Variants in PCSK5 observed in about 807,000 individuals in gnomAD.
PCSK5 encodes the protein prohormone convertase 5.
In PCSK5, 129 loss-of-function variants were observed where a neutral mutation model predicts 233.2. That is an observed-to-expected ratio of 0.55 (90% CI 0.48 to 0.64). The LOEUF is 0.64. PCSK5 is among the 30% of genes least tolerant of loss of function. The pLI is 0.00. For missense variants in PCSK5, 2,076 were observed against 2,430.1 expected, an observed-to-expected ratio of 0.85 and a Z score of 3.06; for synonymous variants, 825 against 879.2, an observed-to-expected ratio of 0.94 and a Z score of 1.09.
At chr9:76,040,160 T>G (rs1057475587) in intron 5 of PCSK5, among the ~76,000 whole-genome samples, 1 of 152,208 alleles carries the variant, frequency 6.6e-6, no homozygotes, top group South Asian at 2.1e-4. Context: ...AGAGTCTTGG[T>G]TGAGGACAAA....
At position 76,323,210 on chromosome 9, in the gene PCSK5, T is replaced by C; in HGVS notation, c.4261T>C (p.Trp1421Arg). 2 of 1,612,816 alleles carry C rather than the reference T, an allele frequency of 1.2e-6. No homozygotes were observed. The highest frequency in any genetic ancestry group is 1.7e-6 in the Non-Finnish European group (2 of 1,179,844). The change falls in exon 32 of 38, where the codon TGG (tryptophan) becomes CGG (arginine). Residue 1421 changes from tryptophan to arginine, a missense_variant. By Grantham distance (101) the Trp-to-Arg change is moderately radical (BLOSUM62 -3). This residue lies in a region of PCSK5 where 1,510 missense variants were observed against 1,538.1 expected (regional missense o/e 0.98). Coordinates refer to ENST00000674117, the MANE Select transcript of PCSK5 (RefSeq NM_001372043.1). ...DDCELCLESSWVLYDGLCLEE... is the reference protein window; with the variant it reads ...DDCELCLESSRVLYDGLCLEE... ...CTGCGAGCTCTGTCTTGAGAGTTCCTGGGTCCTCTATGATGGACTGTGCTT... is the reference window on the plus strand; with the variant it reads ...CTGCGAGCTCTGTCTTGAGAGTTCCCGGGTCCTCTATGATGGACTGTGCTT...
intron 9 of PCSK5, among the ~76,000 whole-genome samples, chr9:76,117,991 C>T (rs960176395): frequency 6.6e-6 from 1 of 151,968 alleles, no homozygotes; most frequent in Admixed American, 6.6e-5. Context: ...CAGGAGTGAT[C>T]GTATTAGTCA....
chr9:76,007,730 G>A (rs1381760530), intron 3 of PCSK5, among the ~76,000 whole-genome samples: 1 of 150,808 alleles, frequency 6.6e-6, no homozygotes, highest in African/African-American at 2.4e-5. Context: ...GGGTTCAAGT[G>A]ATTCTCCCAC....
At chr9:75,913,230 C>G (rs571622254) in intron 1 of PCSK5, among the ~76,000 whole-genome samples, 3 of 152,186 alleles carry the variant, frequency 2.0e-5, no homozygotes, top group East Asian at 3.9e-4. Context: ...AGTCCACTCT[C>G]GCTCCACTCT....
chr9:76,154,920 C>T (rs1823824447), intron 10 of PCSK5, among the ~76,000 whole-genome samples: 2 of 152,068 alleles, frequency 1.3e-5, no homozygotes, highest in African/African-American at 4.8e-5. Flanking sequence ...TTTAATTACC[C>T]CTCATGATGT....
intron 2 of PCSK5, among the ~76,000 whole-genome samples, chr9:75,953,843 GTT>G (rs1824976235): frequency 6.6e-6 from 1 of 152,016 alleles, no homozygotes; most frequent in African/African-American, 2.4e-5. Context: ...TGAGTATGTG[GTT>G]TTGTCACTAT....
rs377528907 is a variant in PCSK5, at chr9:76,244,979, T to C, written c.3142+4295T>C. On this transcript the variant is annotated intron_variant, in intron 24 of 37. Transcript: ENST00000674117. ...GAAATTTTAACTACTAAGATAAATC[T>C]AAGTTTTAAATTATATTTCTTCACT... Among the ~76,000 whole-genome samples the C allele has an allele frequency of 2.0e-4, 31 of 152,344 alleles. No homozygotes were observed. The South Asian group carries it at 2.1e-3, about 10-fold the overall frequency.
Position 76,254,891 on chromosome 9 carries a change from C to T in PCSK5, c.3142+14207C>T, listed in dbSNP as rs138644697. 4.6e-5 allele frequency among the ~76,000 whole-genome samples: 7 copies of T among 152,310 alleles called. No homozygotes were observed. The East Asian group carries it at 1.3e-3, about 29-fold the overall frequency. ...GGCCAGAAGTTCTCAGCTCTGGGTA[C>T]ATATTAGGATCCTGCGGAGCTGTAA... is the stretch of plus-strand genomic sequence containing the variant. On this transcript the variant is annotated intron_variant, in intron 24 of 37. Transcript: ENST00000674117.
At chr9:76,212,138 T>C (rs1564111395) in intron 20 of PCSK5, among the ~76,000 whole-genome samples, 1 of 152,166 alleles carries the variant, frequency 6.6e-6, no homozygotes. Context: ...GATGTGCAAC[T>C]CTTCCGCCAG....
chr9:76,202,084 A>G (rs1416089402), intron 20 of PCSK5, among the ~76,000 whole-genome samples: 3 of 152,184 alleles, frequency 2.0e-5, no homozygotes, highest in Non-Finnish European at 4.4e-5. Context: ...ATATATAGGA[A>G]TATAATGTTT....
intron 5 of PCSK5, among the ~76,000 whole-genome samples, chr9:76,058,365 A>G (rs1398219809): frequency 6.6e-6 from 1 of 152,226 alleles, no homozygotes; most frequent in Non-Finnish European, 1.5e-5. Context: ...TACCATCTAC[A>G]GTACTTTAAC....
chr9:75,922,791 A>C (rs895647136), intron 1 of PCSK5, among the ~76,000 whole-genome samples: 1 of 152,176 alleles, frequency 6.6e-6, no homozygotes. Context: ...AGTTGGGCAG[A>C]CCATCAGATT....
intron 10 of PCSK5, among the ~76,000 whole-genome samples, chr9:76,151,855 A>G (rs1406763302): frequency 1.3e-5 from 2 of 152,124 alleles, no homozygotes; most frequent in Non-Finnish European, 2.9e-5. Context: ...CTCACCTTCT[A>G]CTTGAGTGAG....
At chr9:76,340,506 G>T (rs71509863) in intron 35 of PCSK5, among the ~76,000 whole-genome samples, 2 of 151,442 alleles carry the variant, frequency 1.3e-5, no homozygotes, top group Non-Finnish European at 2.9e-5. Flanking sequence ...TTAGCCAGGC[G>T]TAGTGGCGGG....
At chr9:75,986,616 A>T (rs1826526722) in intron 3 of PCSK5, among the ~76,000 whole-genome samples, 1 of 152,188 alleles carries the variant, frequency 6.6e-6, no homozygotes, top group Non-Finnish European at 1.5e-5. Flanking sequence ...CCTTGAAACT[A>T]GTCTAGCTAA....
rs1193643061 is a variant in PCSK5, at chr9:75,994,384, TTTTCTTTC to T, written c.411+8151_411+8158del. ...GCCTCCCAACCTCCCAGTTTCTTTC[TTTTCTTTC>T]TTTCTTTCTTTTTTTTTTTTTTTTT... is the stretch of plus-strand genomic sequence containing the variant. On this transcript the variant is annotated intron_variant, in intron 3 of 37. Coordinates refer to ENST00000674117, the MANE Select transcript of PCSK5 (RefSeq NM_001372043.1). Among the ~76,000 whole-genome samples, 25 of 73,460 alleles carry T rather than the reference TTTTCTTTC, an allele frequency of 3.4e-4. 3 individuals are homozygous for T. The highest frequency in any genetic ancestry group is 1.0e-3 in the African/African-American group (23 of 22,602). 48.2% of individuals were successfully genotyped at this position (73,460 alleles called of 152,430 possible).
intron 24 of PCSK5, among the ~76,000 whole-genome samples, chr9:76,255,340 A>G (rs1192300747): frequency 6.6e-6 from 1 of 152,188 alleles, no homozygotes; most frequent in African/African-American, 2.4e-5. Context: ...CTAATGTGCA[A>G]CCAGAGTTGA....
chr9:75,893,334 G>T (rs1056831376), intron 1 of PCSK5, among the ~76,000 whole-genome samples: 1 of 152,122 alleles, frequency 6.6e-6, no homozygotes, highest in Non-Finnish European at 1.5e-5. Context: ...TCTGACTGTT[G>T]CAGGCCCAGT....
intron 20 of PCSK5, among the ~76,000 whole-genome samples, chr9:76,209,874 T>A (rs1251360320): frequency 6.6e-6 from 1 of 152,130 alleles, no homozygotes; most frequent in Non-Finnish European, 1.5e-5. Flanking sequence ...TTAATTCAGC[T>A]GCATAATGAT....
Sources: gnomAD v4.1 joint callset for allele counts (sites outside exome capture counted in the v4.1 genomes callset) on GRCh38, gnomAD v4.1.1 for gene constraint, gnomAD v4.1.1 regional missense constraint, MANE v1.5 for transcripts, NCBI Gene and HGNC (gene_info 2026-07-23, HGNC 2026-07-21) for gene names.